Variants in LDLRAD4 observed in about 807,000 individuals in gnomAD.
LDLRAD4 encodes low density lipoprotein receptor class A domain containing 4.
Under a neutral mutation model 17.0 loss-of-function variants are expected in LDLRAD4, and 5 were observed. The observed-to-expected ratio is 0.29, with a 90% CI of 0.15 to 0.62. The LOEUF (loss-of-function observed/expected upper bound fraction) is 0.62. Among genes scored for constraint, LDLRAD4 ranks in the 20% least tolerant of loss-of-function variants. The probability of loss-of-function intolerance (pLI) is 0.84; values close to 1 mark genes in which losing one functional copy is unlikely to be tolerated. For missense variants in LDLRAD4, 340 were observed against 424.7 expected, an observed-to-expected ratio of 0.80 and a Z score of 1.75; for synonymous variants, 168 against 171.8, an observed-to-expected ratio of 0.98 and a Z score of 0.17.
At chr18:13,609,383 A>G (rs2039267484) in intron 3 of LDLRAD4, among the ~76,000 whole-genome samples, 2 of 152,216 alleles carry the variant, frequency 1.3e-5, no homozygotes, top group South Asian at 2.1e-4. Flanking sequence ...ACAAAACTCA[A>G]GAGCACTATC....
At chr18:13,551,835 A>C (rs1464799414) in intron 3 of LDLRAD4, among the ~76,000 whole-genome samples, 2 of 152,146 alleles carry the variant, frequency 1.3e-5, no homozygotes, top group African/African-American at 4.8e-5. Flanking sequence ...AAAGAGGTTT[A>C]TTGGGCTCAT....
intron 1 of LDLRAD4, among the ~76,000 whole-genome samples, chr18:13,306,117 A>G (rs1657874643): frequency 1.3e-5 from 2 of 152,240 alleles, no homozygotes; most frequent in Admixed American, 1.3e-4. Context: ...CTATAGGTTT[A>G]TAAATGCAGA....
chr18:13,417,858 T>TTG (rs2089064441), intron 2 of LDLRAD4, among the ~76,000 whole-genome samples: 1 of 151,896 alleles, frequency 6.6e-6, no homozygotes, highest in African/African-American at 2.4e-5. Flanking sequence ...TGTGTGTGGT[T>TTG]TGTGTGTGTG....
chr18:13,450,326 A>AT (rs1555691797), intron 3 of LDLRAD4, among the ~76,000 whole-genome samples: 1 of 68,054 alleles, frequency 1.5e-5, no homozygotes, highest in Non-Finnish European at 2.8e-5. Context: ...CTCTCCCCCC[A>AT]CCCCCCCCCC....
intron 1 of LDLRAD4, among the ~76,000 whole-genome samples, chr18:13,229,543 G>A (rs550413196): frequency 6.6e-6 from 1 of 152,156 alleles, no homozygotes; most frequent in Non-Finnish European, 1.5e-5. Context: ...GAGACATAGA[G>A]ACCAAGGAGA....
chr18:13,378,823 A>G (rs1014152703), intron 1 of LDLRAD4, among the ~76,000 whole-genome samples: 2 of 152,298 alleles, frequency 1.3e-5, no homozygotes, highest in South Asian at 4.1e-4. Flanking sequence ...ATTTTTATCT[A>G]TTGGGAACTT....
chr18:13,222,943 CTG>C (rs1405043018), intron 1 of LDLRAD4, among the ~76,000 whole-genome samples: 4 of 152,232 alleles, frequency 2.6e-5, no homozygotes, highest in Non-Finnish European at 5.9e-5. Flanking sequence ...GGTGCAGACA[CTG>C]AGAACAAATT....
At chr18:13,387,573 C>T (rs576947318) in exon 2 of LDLRAD4, 33 of 705,640 alleles carry the variant, frequency 4.7e-5, no homozygotes, top group Non-Finnish European at 5.7e-5. Context: ...GCGCGAGAGC[C>T]GGGCAGGTGG....
At chr18:13,296,742 C>T (rs1245749891) in intron 1 of LDLRAD4, among the ~76,000 whole-genome samples, 1 of 152,146 alleles carries the variant, frequency 6.6e-6, no homozygotes, top group African/African-American at 2.4e-5. Flanking sequence ...AATTTAGCAA[C>T]AAAGAAAAGA....
intron 3 of LDLRAD4, among the ~76,000 whole-genome samples, chr18:13,568,189 G>A (rs2094633535): frequency 6.6e-6 from 1 of 152,028 alleles, no homozygotes; most frequent in African/African-American, 2.4e-5. Context: ...AGCTACTCAG[G>A]AGGCTGAGGC....
At position 13,645,668 on chromosome 18, in the gene LDLRAD4, C is replaced by A; in HGVS notation, c.*11C>A. 2 of 1,501,554 alleles carry A rather than the reference C, an allele frequency of 1.3e-6. No individual in the cohort carries two copies. Among genetic ancestry groups the A allele is most frequent in the South Asian group, 1.4e-5 (1 of 70,784 alleles). 93.0% of individuals were successfully genotyped at this position (1,501,554 alleles called of 1,614,324 possible). A position where few individuals can be genotyped will look rare whatever the true frequency, so the allele number is the denominator to read the frequency against. ...GGGAACCTGGTCTGATTCCTTCCAA[C>A]GTGCACTTCAGCTGGAGAAAGAAAC... On this transcript the variant is annotated 3_prime_UTR_variant, in exon 6 of 6. Transcript: ENST00000359446. This position sits in a 1 kb window ranked among gnomAD's most constrained non-coding sequence, Gnocchi z 5.7.
chr18:13,390,444 G>GT (rs978231913), intron 2 of LDLRAD4, among the ~76,000 whole-genome samples: 1 of 152,214 alleles, frequency 6.6e-6, no homozygotes, highest in Non-Finnish European at 1.5e-5. Context: ...GTACACACGG[G>GT]TTCCCTGGGG....
At chr18:13,523,046 C>T (rs138846862) in intron 3 of LDLRAD4, among the ~76,000 whole-genome samples, 1 of 152,220 alleles carries the variant, frequency 6.6e-6, no homozygotes, top group East Asian at 1.9e-4. Context: ...TAGCCTGTGC[C>T]CGTGGAGGTC....
At chr18:13,531,747 A>G (rs1568305542) in intron 3 of LDLRAD4, among the ~76,000 whole-genome samples, 1 of 152,038 alleles carries the variant, frequency 6.6e-6, no homozygotes, top group Non-Finnish European at 1.5e-5. Flanking sequence ...TTTAGTAGGA[A>G]ATGGAGATGG....
chr18:13,566,910 T>C (rs72884403), intron 3 of LDLRAD4, among the ~76,000 whole-genome samples: 62,258 of 152,066 alleles, frequency 0.41, 12,969 homozygotes, highest in African/African-American at 0.47. Flanking sequence ...AATACTGTGC[T>C]AGAAATTCAA....
In LDLRAD4 at chr18:13,560,943, T is replaced by A. The variant is rs189261165; in HGVS notation, c.182-60174T>A. On this transcript the variant is annotated intron_variant, in intron 3 of 5. Coordinates refer to ENST00000359446, the Ensembl canonical transcript of LDLRAD4. ...TCTTGGCACAAAACAACTTCAAGCC[T>A]GTGTGAAATAAAGGAAAACCAGGAG... 5.0e-3 allele frequency among the ~76,000 whole-genome samples: 769 copies of A among 152,332 alleles called. 4 individuals carry two copies. Among genetic ancestry groups the A allele is most frequent in the Non-Finnish European group, 8.3e-3 (562 of 68,018 alleles).
chr18:13,311,760 C>T (rs1446408764), intron 1 of LDLRAD4, among the ~76,000 whole-genome samples: 2 of 152,098 alleles, frequency 1.3e-5, no homozygotes, highest in East Asian at 3.9e-4. Flanking sequence ...AAAATAAAAA[C>T]CTGTAGGAAT....
chr18:13,581,502 A>G (rs769212807), intron 3 of LDLRAD4, among the ~76,000 whole-genome samples: 5 of 152,234 alleles, frequency 3.3e-5, no homozygotes, highest in African/African-American at 4.8e-5. Context: ...TTCTGGGAAC[A>G]TGAAAAAGGG....
intron 1 of LDLRAD4, among the ~76,000 whole-genome samples, chr18:13,333,728 T>C (rs2081975464): frequency 6.6e-6 from 1 of 152,254 alleles, no homozygotes; most frequent in African/African-American, 2.4e-5. Flanking sequence ...TATATCAGTC[T>C]CTTTCTGGAA....
Sources: gnomAD v4.1 joint callset for allele counts (sites outside exome capture counted in the v4.1 genomes callset) on GRCh38, gnomAD v4.1.1 for gene constraint, Gnocchi (gnomAD v3.1) non-coding constraint, MANE v1.5 for transcripts, NCBI Gene and HGNC (gene_info 2026-07-23, HGNC 2026-07-21) for gene names.